Variants in RTN1 observed in about 807,000 individuals in gnomAD.
RTN1 encodes the protein reticulon 1.
RTN1 carries 25 observed loss-of-function variants against 65.5 expected under a neutral mutation model. The ratio of observed to expected loss-of-function variants is 0.38; its 90% CI spans 0.28 to 0.53. The LOEUF is 0.53. RTN1 is among the 20% of genes least tolerant of loss of function. The pLI is 0.79. For missense variants in RTN1, 983 were observed against 1,025.4 expected, an observed-to-expected ratio of 0.96 and a Z score of 0.57; for synonymous variants, 471 against 447.6, an observed-to-expected ratio of 1.05 and a Z score of -0.66.
chr14:59,860,859 G>T (rs1052801682), intron 1 of RTN1, among the ~76,000 whole-genome samples: 6 of 152,164 alleles, frequency 3.9e-5, no homozygotes, highest in Non-Finnish European at 5.9e-5. Context: ...GGGGACTGTA[G>T]CCCCTTTGTT....
chr14:59,609,213 A>G (rs1881866403), intron 3 of RTN1, among the ~76,000 whole-genome samples: 2 of 151,852 alleles, frequency 1.3e-5, no homozygotes, highest in Admixed American at 1.3e-4. Context: ...TGAACCCAGG[A>G]GGCAGAGGTT....
At chr14:59,793,544 A>G (rs1181392168) in intron 1 of RTN1, among the ~76,000 whole-genome samples, 1 of 152,002 alleles carries the variant, frequency 6.6e-6, no homozygotes, top group African/African-American at 2.4e-5. Context: ...GTGTGTAAGT[A>G]TGTGTATGTG....
chr14:59,776,605 G>A (rs1233307373), intron 1 of RTN1, among the ~76,000 whole-genome samples: 1 of 152,148 alleles, frequency 6.6e-6, no homozygotes, highest in Non-Finnish European at 1.5e-5. Context: ...GTTTGGTGAG[G>A]AGATTTTTAG....
At chr14:59,722,919 A>ACCTGAGTAG (rs1223903642) in intron 3 of RTN1, among the ~76,000 whole-genome samples, 3 of 151,350 alleles carry the variant, frequency 2.0e-5, no homozygotes, top group African/African-American at 7.3e-5. Context: ...CACATCAGCC[A>ACCTGAGTAG]CCTGAGTAGC....
rs1473671471 is a variant in RTN1 at position 59,727,372 on chromosome 14, C to T, written c.1312G>A (p.Gly438Ser). 7.9e-6 allele frequency: 12 copies of T among 1,524,722 alleles called. No individual in the cohort carries two copies. The highest frequency in any genetic ancestry group is 1.1e-5 in the Non-Finnish European group (12 of 1,135,416). 94.4% of individuals were successfully genotyped at this position (1,524,722 alleles called of 1,614,324 possible). The change falls in exon 3 of 9, where the codon GGC (glycine) becomes AGC (serine). Residue 438 changes from glycine (G) to serine (S), a missense_variant. Around this residue, in one of 2 missense-constraint regions of RTN1, gnomAD observed 818 missense variants for 801.8 expected, o/e 1.02. Coordinates refer to ENST00000267484, the MANE Select transcript of RTN1 (RefSeq NM_021136.3). The surrounding 1 kb of genome is among the most constrained non-coding windows in gnomAD (Gnocchi z 4.2). ...PSGYVSFGHVGGPPPSPASPS... is the reference protein window; with the variant it reads ...PSGYVSFGHVSGPPPSPASPS... Reference sequence around the variant, plus strand: ...GAGGCGGGCGAGGGCGGCGGGCCGCCCACGTGGCCAAAGCTCACATAGCCT... The same window carrying T: ...GAGGCGGGCGAGGGCGGCGGGCCGCTCACGTGGCCAAAGCTCACATAGCCT...
intron 3 of RTN1, among the ~76,000 whole-genome samples, chr14:59,647,992 A>G (rs530831111): frequency 2.3e-3 from 351 of 152,288 alleles, no homozygotes; most frequent in African/African-American, 7.8e-3. Context: ...AAAATAAGCA[A>G]ATCCAAGAGT....
chr14:59,767,431 A>T (rs190842460), intron 1 of RTN1, among the ~76,000 whole-genome samples: 34 of 152,340 alleles, frequency 2.2e-4, no homozygotes, highest in Middle Eastern at 3.4e-3. Context: ...CTCCTGGTAC[A>T]GACACTTACC....
chr14:59,657,497 G>A (rs1219111558), intron 3 of RTN1, among the ~76,000 whole-genome samples: 1 of 152,236 alleles, frequency 6.6e-6, no homozygotes, highest in African/African-American at 2.4e-5. Flanking sequence ...CTCCCAGTGA[G>A]ATCAACACAG....
chr14:59,610,137 T>C (rs1296122678), intron 3 of RTN1: 1 of 776,754 alleles, frequency 1.3e-6, no homozygotes, highest in Admixed American at 1.7e-5. Flanking sequence ...AGAAATGGCA[T>C]GCCCTCTAGG....
intron 1 of RTN1, among the ~76,000 whole-genome samples, chr14:59,754,441 C>T (rs577084210): frequency 6.6e-6 from 1 of 152,310 alleles, no homozygotes; most frequent in East Asian, 1.9e-4. Flanking sequence ...GACTCATCCT[C>T]ACAGAATGGA....
chr14:59,857,105 T>C (rs1200397205), intron 1 of RTN1, among the ~76,000 whole-genome samples: 1 of 152,112 alleles, frequency 6.6e-6, no homozygotes, highest in Non-Finnish European at 1.5e-5. Context: ...AGTACCTGTA[T>C]TTACCATATG....
chr14:59,714,751 A>C (rs1017563042), intron 3 of RTN1, among the ~76,000 whole-genome samples: 1 of 152,164 alleles, frequency 6.6e-6, no homozygotes, highest in Non-Finnish European at 1.5e-5. Context: ...ACCTCTACCC[A>C]TTACAACATG....
Position 59,612,105 on chromosome 14 carries a change from T to C in RTN1, c.1766-4613A>G, listed in dbSNP as rs558020545. Among the ~76,000 whole-genome samples, 5 of 152,350 alleles carry C rather than the reference T, an allele frequency of 3.3e-5. No homozygotes were observed. The East Asian group carries it at 7.7e-4, about 24-fold the overall frequency. On this transcript the variant is annotated intron_variant, in intron 3 of 8. Transcript: ENST00000267484. ...AAGTTTCAGCTTTTCCAGGCTGATA[T>C]TGGGTGCTGAATGAGGTGACTAATG...
intron 3 of RTN1, among the ~76,000 whole-genome samples, chr14:59,618,708 T>C (rs1478452289): frequency 6.6e-6 from 1 of 152,230 alleles, no homozygotes. Context: ...AACAAAATAG[T>C]TGCCTCTCTC....
rs1188595046 is a variant in RTN1, at chr14:59,745,961, T to C, written c.762A>G (p.Leu254=). ...ATGGAGCAAATGTGGATTCTTCCAA[T>C]AAATGGTCCTTGATGATTTTTCCCT... The part of the protein sequence containing the change: ...PVEGKIIKDH[L]LEESTFAPYI... Residue 254 remains leucine, a synonymous_variant, in exon 2 of 9, where the codon TTA becomes TTG. Transcript: ENST00000267484. 6.2e-7 allele frequency: 1 copy of C among 1,614,174 alleles called. No homozygotes were observed. The highest frequency in any genetic ancestry group is 2.2e-5 in the East Asian group (1 of 44,882).
intron 3 of RTN1, among the ~76,000 whole-genome samples, chr14:59,698,598 C>G (rs1170905500): frequency 6.6e-6 from 1 of 152,120 alleles, no homozygotes; most frequent in Non-Finnish European, 1.5e-5. Flanking sequence ...TTCACAAGCT[C>G]TCTCTCTTTG....
intron 3 of RTN1, among the ~76,000 whole-genome samples, chr14:59,720,939 C>T (rs1376862796): frequency 6.6e-6 from 1 of 151,798 alleles, no homozygotes; most frequent in Non-Finnish European, 1.5e-5. Flanking sequence ...TTCCAAGAAT[C>T]TTTATAGCCC....
At chr14:59,659,095 T>C (rs549725297) in intron 3 of RTN1, among the ~76,000 whole-genome samples, 1 of 151,108 alleles carries the variant, frequency 6.6e-6, no homozygotes, top group South Asian at 2.1e-4. Context: ...CATACACAAG[T>C]ATCAATAGCC....
At chr14:59,674,380 A>C (rs1883575766) in intron 3 of RTN1, among the ~76,000 whole-genome samples, 1 of 152,250 alleles carries the variant, frequency 6.6e-6, no homozygotes, top group African/African-American at 2.4e-5. Flanking sequence ...ATAAAGATGA[A>C]TAAACTACAG....
Sources: gnomAD v4.1 joint callset for allele counts (sites outside exome capture counted in the v4.1 genomes callset) on GRCh38, gnomAD v4.1.1 for gene constraint, gnomAD v4.1.1 regional missense constraint, Gnocchi (gnomAD v3.1) non-coding constraint, MANE v1.5 for transcripts, NCBI Gene and HGNC (gene_info 2026-07-23, HGNC 2026-07-21) for gene names.